Variants in ANKRD10 observed in about 807,000 individuals in gnomAD.
ANKRD10 encodes ankyrin repeat domain 10, also known as ankyrin repeat domain-containing protein 10.
In ANKRD10, 14 loss-of-function variants were observed where a neutral mutation model predicts 27.0. That is an observed-to-expected ratio of 0.52 (90% CI 0.34 to 0.81). The LOEUF (loss-of-function observed/expected upper bound fraction) is 0.81. Among genes scored for constraint, ANKRD10 ranks in the 40% least tolerant of loss-of-function variants. ANKRD10 has a pLI of 0.01. For synonymous variants in ANKRD10, 250 were observed against 224.5 expected (o/e 1.11, Z -1.01); for missense variants, 493 against 544.0 (o/e 0.91, Z 0.93).
intron 3 of ANKRD10, among the ~76,000 whole-genome samples, chr13:110,898,684 C>T (rs375324945): frequency 8.5e-5 from 13 of 152,148 alleles, no homozygotes; most frequent in African/African-American, 3.1e-4. Context: ...GTGCTCCTCC[C>T]ACTTCAGCCT....
intron 3 of ANKRD10, chr13:110,900,533 A>G: frequency 7.5e-7 from 1 of 1,332,446 alleles, no homozygotes; most frequent in East Asian, 4.6e-5. Context: ...CAAATACCTC[A>G]ACAGTATGCC....
chr13:110,891,419 T>C (rs1304635704), intron 4 of ANKRD10, among the ~76,000 whole-genome samples: 2 of 152,222 alleles, frequency 1.3e-5, no homozygotes, highest in African/African-American at 2.4e-5. Context: ...GTCATGCTTA[T>C]GATTTTAGCA....
At chr13:110,911,928 C>A (rs1331896526) in intron 1 of ANKRD10, among the ~76,000 whole-genome samples, 1 of 152,156 alleles carries the variant, frequency 6.6e-6, no homozygotes, top group Admixed American at 6.5e-5. Flanking sequence ...TCAATAGAGG[C>A]CCCATTCTCC....
chr13:110,894,351 C>T, intron 3 of ANKRD10: 1 of 283,446 alleles, frequency 3.5e-6, no homozygotes. Flanking sequence ...TGCTGTGTCA[C>T]TCAAACAACC....
At chr13:110,881,682 T>C (rs538231162) in intron 5 of ANKRD10, among the ~76,000 whole-genome samples, 1 of 152,352 alleles carries the variant, frequency 6.6e-6, no homozygotes, top group South Asian at 2.1e-4. Context: ...GTATAAACAA[T>C]GTTTTCCTAG....
intron 3 of ANKRD10, among the ~76,000 whole-genome samples, chr13:110,899,979 A>T (rs552243293): frequency 6.6e-6 from 1 of 152,324 alleles, no homozygotes; most frequent in South Asian, 2.1e-4. Flanking sequence ...TGGGAGGCAG[A>T]AGCAGGAGGA....
chr13:110,889,889 A>C (rs1316456560), intron 4 of ANKRD10, among the ~76,000 whole-genome samples: 2 of 152,226 alleles, frequency 1.3e-5, no homozygotes, highest in East Asian at 3.8e-4. Context: ...GTAAGATACA[A>C]GTTACGCAGC....
rs1344867040 is a variant in ANKRD10, at chr13:110,880,661, T to G, written c.788-549A>C. Among the ~76,000 whole-genome samples, 4 of 152,230 alleles carry G rather than the reference T, an allele frequency of 2.6e-5. No homozygotes were observed. The East Asian group carries it at 7.7e-4, about 29-fold the overall frequency. On this transcript the variant is annotated intron_variant, in intron 5 of 5. Coordinates refer to ENST00000267339, the MANE Select transcript of ANKRD10 (RefSeq NM_017664.4). ...AAATCTTCTCTCCTCATAAATCAGG[T>G]AGGGACTCTTGACCCTCTCCTAAGT...
chr13:110,892,360 C>T (rs1335862831), intron 4 of ANKRD10, among the ~76,000 whole-genome samples: 1 of 122,052 alleles, frequency 8.2e-6, no homozygotes, highest in South Asian at 2.8e-4. Context: ...AACTTGGGAG[C>T]CGGAGGTTGC....
intron 3 of ANKRD10, among the ~76,000 whole-genome samples, chr13:110,898,055 TAAAC>T (rs1478428213): frequency 1.3e-5 from 2 of 152,208 alleles, no homozygotes; most frequent in Non-Finnish European, 2.9e-5. Context: ...CACAAAATAT[TAAAC>T]AACAAGAAAA....
intron 2 of ANKRD10, among the ~76,000 whole-genome samples, chr13:110,908,859 A>G (rs984674788): frequency 1.3e-5 from 2 of 152,240 alleles, no homozygotes; most frequent in Admixed American, 1.3e-4. Context: ...GATGCTTTAC[A>G]ATGCCAAATG....
At chr13:110,885,354 C>G (rs148180397) in intron 4 of ANKRD10, among the ~76,000 whole-genome samples, 1 of 152,090 alleles carries the variant, frequency 6.6e-6, no homozygotes, top group East Asian at 1.9e-4. Context: ...AGATCGAGAC[C>G]GTCCTGGCCA....
chr13:110,905,976 A>G lies in ANKRD10; in HGVS notation c.455+57T>C, dbSNP rs1054551071. The G allele has an allele frequency of 3.8e-5, 57 of 1,482,576 alleles. No individual in the cohort carries two copies. In the African/African-American group the frequency reaches 7.4e-4, roughly 19 times the overall value. The allele number at this position is 1,482,576 out of a possible 1,614,324, so 91.8% of individuals were successfully genotyped here. A position where few individuals can be genotyped will look rare whatever the true frequency, so the allele number is the denominator to read the frequency against. ...TTTTGCCTGCTTATGTACTGCCTTT[A>G]AACAAAACATCCTCAACTACATCTT... On this transcript the variant is annotated intron_variant, in intron 3 of 5. Coordinates refer to ENST00000267339, the MANE Select transcript of ANKRD10 (RefSeq NM_017664.4).
intron 3 of ANKRD10, chr13:110,900,665 G>GA (rs1337648526): frequency 1.5e-6 from 2 of 1,351,682 alleles, no homozygotes. Flanking sequence ...AGGATTACTT[G>GA]AAAAAATCAA....
chr13:110,899,423 C>A (rs1257248744), intron 3 of ANKRD10, among the ~76,000 whole-genome samples: 2 of 152,190 alleles, frequency 1.3e-5, no homozygotes, highest in Non-Finnish European at 2.9e-5. Flanking sequence ...GAAAATAGGA[C>A]TGTGTTGTTC....
chr13:110,879,556 C>T lies in ANKRD10; in HGVS notation c.*81G>A. On this transcript the variant is annotated 3_prime_UTR_variant, in exon 6 of 6. Transcript: ENST00000267339. ...TAAAAAACGTACAAGTTGTGACATT[C>T]GTTCAAGTTGCTGCTACATGGGTAT... The T allele has an allele frequency of 5.7e-6, 6 of 1,055,232 alleles. No homozygotes were observed. Among genetic ancestry groups the T allele is most frequent in the South Asian group, 1.5e-5 (1 of 67,766 alleles). The allele number at this position is 1,055,232 out of a possible 1,614,324, so 65.4% of individuals were successfully genotyped here.
chr13:110,891,891 T>TTTTA (rs1253919325), intron 4 of ANKRD10, among the ~76,000 whole-genome samples: 1 of 146,258 alleles, frequency 6.8e-6, no homozygotes, highest in African/African-American at 2.5e-5. Flanking sequence ...TTTTTTTTTT[T>TTTTA]AAATAGAGAC....
intron 4 of ANKRD10, among the ~76,000 whole-genome samples, chr13:110,888,332 G>C (rs959295777): frequency 2.0e-5 from 3 of 151,854 alleles, no homozygotes; most frequent in Non-Finnish European, 4.4e-5. Flanking sequence ...GGAAAACGCA[G>C]ACACTGTCTG....
chr13:110,892,676 TA>T (rs11446794), intron 4 of ANKRD10: 1,227 of 727,242 alleles, frequency 1.7e-3, no homozygotes, highest in South Asian at 1.9e-3. Flanking sequence ...AGAAGCAAAT[TA>T]AAAAAAAAAA....
Sources: allele counts gnomAD v4.1 joint callset (sites outside exome capture counted in the v4.1 genomes callset), GRCh38; gene constraint gnomAD v4.1.1; transcripts MANE v1.5; gene names NCBI Gene and HGNC (gene_info 2026-07-23, HGNC 2026-07-21).